Variants in PTCH1 observed in about 807,000 individuals in gnomAD.
The protein encoded by PTCH1 is protein patched homolog 1.
A neutral mutation model predicts 144.6 loss-of-function variants in PTCH1; 14 were observed. The ratio of observed to expected loss-of-function variants is 0.10; its 90% CI spans 0.06 to 0.15. The LOEUF is 0.15. PTCH1 is among the 10% of genes least tolerant of loss of function. The pLI, the probability that PTCH1 is intolerant of heterozygous loss-of-function variation, is 1.00. For missense variants in PTCH1, 1,623 were observed against 1,948.3 expected (o/e 0.83, Z 3.14); for synonymous variants, 833 against 793.6 (o/e 1.05, Z -0.83).
At chr9:95,470,873 TG>T (rs1840506470) in intron 12 of PTCH1, among the ~76,000 whole-genome samples, 1 of 152,130 alleles carries the variant, frequency 6.6e-6, no homozygotes, top group South Asian at 2.1e-4. Context: ...AGGGATCTCC[TG>T]ATCAAGACTA....
At chr9:95,504,991 T>A (rs1843450775) in intron 2 of PTCH1, among the ~76,000 whole-genome samples, 1 of 152,222 alleles carries the variant, frequency 6.6e-6, no homozygotes, top group South Asian at 2.1e-4. Flanking sequence ...ACTGAATCGC[T>A]GAACTGAGGT....
chr9:95,496,574 C>T (rs1842805682), intron 2 of PTCH1, among the ~76,000 whole-genome samples: 1 of 151,318 alleles, frequency 6.6e-6, no homozygotes, highest in African/African-American at 2.4e-5. Flanking sequence ...TCATCCTAGT[C>T]CCCAAATCTC....
At chr9:95,461,813 C>A (rs1426887822) in intron 16 of PTCH1, 43 bp downstream of exon 16, 1 of 1,612,452 alleles carries the variant, frequency 6.2e-7, no homozygotes, top group Non-Finnish European at 8.5e-7. Flanking sequence ...GGCAGCGGCC[C>A]CGCAGCCCTG....
At chr9:95,490,964 C>G (rs1402122864) in intron 2 of PTCH1, among the ~76,000 whole-genome samples, 2 of 152,114 alleles carry the variant, frequency 1.3e-5, no homozygotes, top group African/African-American at 2.4e-5. Context: ...ATGCTTATAT[C>G]AAAACATCAC....
chr9:95,516,644 G>C, exon 1 of PTCH1: 2 of 1,608,966 alleles, frequency 1.2e-6, no homozygotes, highest in Non-Finnish European at 1.7e-6. Context: ...GGGTCTCTTT[G>C]TCTCCCCTGT....
intron 16 of PTCH1, 43 bp downstream of exon 16, chr9:95,461,813 C>T (rs1426887822): frequency 1.2e-6 from 2 of 1,612,334 alleles, no homozygotes; most frequent in Non-Finnish European, 1.7e-6. Context: ...GGCAGCGGCC[C>T]CGCAGCCCTG....
chr9:95,484,405 TAAAC>T (rs749019567), intron 3 of PTCH1: 1 of 152,168 alleles, frequency 6.6e-6, no homozygotes, highest in Non-Finnish European at 1.5e-5. Context: ...AGGTTACAGA[TAAAC>T]AAACAAGAAT....
Position 95,508,567 on chromosome 9 carries a change from C to G in PTCH1, c.-206G>C, listed in dbSNP as rs1330755984. ...GCGGGCGCTGCTGCCGCTGCGGCCG[C>G]GGCCGCTGCCGGGGAGTCAGACCCT... On this transcript the variant is annotated 5_prime_UTR_variant, in exon 1 of 24. Coordinates refer to ENST00000331920, the MANE Select transcript of PTCH1 (RefSeq NM_000264.5). The G allele has an allele frequency of 5.0e-6, 5 of 1,002,376 alleles. No homozygotes were observed. Among genetic ancestry groups the G allele is most frequent in the Non-Finnish European group, 5.9e-6 (5 of 841,206 alleles). 62.1% of individuals were successfully genotyped at this position (1,002,376 alleles called of 1,614,324 possible). A position where few individuals can be genotyped will look rare whatever the true frequency, so the allele number is the denominator to read the frequency against.
chr9:95,464,027 A>C (rs1044516257), intron 15 of PTCH1, among the ~76,000 whole-genome samples: 41 of 152,334 alleles, frequency 2.7e-4, no homozygotes, highest in Admixed American at 2.1e-3. Flanking sequence ...GGGACACCCG[A>C]GGGTGAAACA....
At chr9:95,462,131 C>A (rs1024940063) in intron 15 of PTCH1, 133 bp from the exon 16 acceptor site, 54 of 1,029,816 alleles carry the variant, frequency 5.2e-5, no homozygotes, top group Non-Finnish European at 7.2e-5. Context: ...CCTCTGTGTC[C>A]CACATCCACT....
intron 20 of PTCH1, chr9:95,450,884 ACT>A (rs1275904036): frequency 1.8e-4 from 27 of 151,932 alleles, no homozygotes; most frequent in African/African-American, 6.5e-4. Flanking sequence ...TCTGGCAGAC[ACT>A]CTGCATGGCT....
intron 23 of PTCH1, 167 bp downstream of exon 23, chr9:95,446,744 A>G: frequency 1.2e-6 from 1 of 856,644 alleles, no homozygotes; most frequent in Admixed American, 2.1e-5. Context: ...AGGATGACAA[A>G]GCTTGGACAC....
intron 2 of PTCH1, among the ~76,000 whole-genome samples, chr9:95,497,311 C>T (rs1719467526): frequency 6.6e-6 from 1 of 152,160 alleles, no homozygotes; most frequent in African/African-American, 2.4e-5. Flanking sequence ...CACGTTATAC[C>T]GGAGGGTGGC....
At position 95,456,257 on chromosome 9, in the gene PTCH1, C is replaced by G. The variant is rs2136646741; in HGVS notation, c.3306+19G>C. The G allele has an allele frequency of 6.2e-7, 1 of 1,612,846 alleles. No homozygotes were observed. Among genetic ancestry groups the G allele is most frequent in the South Asian group, 1.1e-5 (1 of 91,084 alleles). ...GGGTTGTTTTTTCACAAAGTTTTTG[C>G]TTCAAATGTCTCCCATACCAAAGCA... On this transcript the variant is annotated intron_variant, in intron 19 of 23. Coordinates refer to ENST00000331920, the MANE Select transcript of PTCH1 (RefSeq NM_000264.5).
At position 95,458,394 on chromosome 9, in the gene PTCH1, C is replaced by T; in HGVS notation, c.2888-101G>A. On this transcript the variant is annotated intron_variant, in intron 17 of 23. Coordinates refer to ENST00000331920, the MANE Select transcript of PTCH1 (RefSeq NM_000264.5). The surrounding 1 kb of genome is among the most constrained non-coding windows in gnomAD (Gnocchi z 4.7). ...ACTTTGCATGAAAGCTTACTGACTGCTCTTCTACATGATACAAAGAACAAA... is the reference window on the plus strand; with the variant it reads ...ACTTTGCATGAAAGCTTACTGACTGTTCTTCTACATGATACAAAGAACAAA... The T allele has an allele frequency of 1.4e-6, 2 of 1,400,156 alleles. No homozygotes were observed. The highest frequency in any genetic ancestry group is 2.0e-6 in the Non-Finnish European group (2 of 1,011,836). The allele number at this position is 1,400,156 out of a possible 1,614,324, so 86.7% of individuals were successfully genotyped here. A position where few individuals can be genotyped will look rare whatever the true frequency, so the allele number is the denominator to read the frequency against.
chr9:95,496,511 G>C lies in PTCH1; in HGVS notation c.394+9896C>G, dbSNP rs181241369. Among the ~76,000 whole-genome samples, 45 of 151,220 alleles carry C rather than the reference G, an allele frequency of 3.0e-4. No homozygotes were observed. The East Asian group carries it at 5.1e-3, about 17-fold the overall frequency. ...ACAAAAAGGGAGAGAGATTTCTTTT[G>C]GGAGCCATGTGAAACTGTAGCCTAT... On this transcript the variant is annotated intron_variant, in intron 2 of 23. Coordinates refer to ENST00000331920, the MANE Select transcript of PTCH1 (RefSeq NM_000264.5).
At chr9:95,488,594 C>G (rs1299584248) in intron 2 of PTCH1, among the ~76,000 whole-genome samples, 1 of 127,988 alleles carries the variant, frequency 7.8e-6, no homozygotes, top group East Asian at 2.5e-4. Context: ...ATGATTCATT[C>G]ATCCAGCAAG....
chr9:95,485,765 A>G lies in PTCH1; in HGVS notation c.504T>C (p.Asn168=), dbSNP rs768871571. The part of the protein sequence containing the change: ...MIQTPKEEGA[N]VLTTEALLQH... ...GTAGGAGCGCTTCTGTGGTCAGGAC[A>G]TTAGCACCTTCTTCTTTAGGGGTCT... Residue 168 remains asparagine, a synonymous_variant, in exon 3 of 24, where the codon AAT becomes AAC. Coordinates refer to ENST00000331920, the MANE Select transcript of PTCH1 (RefSeq NM_000264.5). 3.1e-6 allele frequency: 5 copies of G among 1,614,226 alleles called. No individual in the cohort carries two copies. Among genetic ancestry groups the G allele is most frequent in the Non-Finnish European group, 4.2e-6 (5 of 1,180,042 alleles).
chr9:95,493,653 G>A (rs1564072467), intron 2 of PTCH1, among the ~76,000 whole-genome samples: 1 of 152,186 alleles, frequency 6.6e-6, no homozygotes, highest in African/African-American at 2.4e-5. Flanking sequence ...TTATCTAACA[G>A]CCTCTAGAGA....
Sources: allele counts gnomAD v4.1 joint callset (sites outside exome capture counted in the v4.1 genomes callset), GRCh38; gene constraint gnomAD v4.1.1; non-coding constraint Gnocchi (gnomAD v3.1); transcripts MANE v1.5; gene names NCBI Gene and HGNC (gene_info 2026-07-23, HGNC 2026-07-21).